SMARCC1: variants seen among roughly 807,000 people sequenced by gnomAD.
SMARCC1 encodes the protein SWI/SNF complex subunit SMARCC1.
In SMARCC1, 43 loss-of-function variants were observed where a neutral mutation model predicts 147.4. The observed-to-expected ratio is 0.29, with a 90% CI of 0.23 to 0.38. SMARCC1 has a LOEUF of 0.38. Among genes scored for constraint, SMARCC1 ranks in the 10% least tolerant of loss-of-function variants. The pLI is 1.00. For missense variants in SMARCC1, 1,119 were observed against 1,381.1 expected, an observed-to-expected ratio of 0.81 and a Z score of 3.01; for synonymous variants, 495 against 484.4, an observed-to-expected ratio of 1.02 and a Z score of -0.29.
Position 47,665,852 on chromosome 3 carries a change from CT to C in SMARCC1, c.1900-3261del, listed in dbSNP as rs764505361. The stretch of plus-strand genomic sequence containing the variant: ...TAACCTGGATACACTCACTCACTCT[CT>C]TTTTTTTTTTTTTGTGAGACACGGT... On this transcript the variant is annotated intron_variant, in intron 19 of 27. Coordinates refer to ENST00000254480, the MANE Select transcript of SMARCC1 (RefSeq NM_003074.4). Among the ~76,000 whole-genome samples, 874 of 142,956 alleles carry C rather than the reference CT, an allele frequency of 6.1e-3. 3 individuals are homozygous for C. The highest frequency in any genetic ancestry group is 0.016 in the African/African-American group (632 of 39,372). The allele number at this position is 142,956 out of a possible 152,430, so 93.8% of individuals were successfully genotyped here. A position where few individuals can be genotyped will look rare whatever the true frequency, so the allele number is the denominator to read the frequency against.
At chr3:47,698,485 CAA>C (rs1559648303) in intron 11 of SMARCC1, among the ~76,000 whole-genome samples, 1 of 151,788 alleles carries the variant, frequency 6.6e-6, no homozygotes, top group South Asian at 2.1e-4. Flanking sequence ...AAGAAATCTA[CAA>C]AAAAGTGCCA....
intron 21 of SMARCC1, among the ~76,000 whole-genome samples, chr3:47,659,013 G>A (rs2033300556): frequency 6.6e-6 from 1 of 151,850 alleles, no homozygotes; most frequent in African/African-American, 2.4e-5. Context: ...AGCTACTCCA[G>A]GGGCTGAGCA....
intron 25 of SMARCC1, 111 bp from the exon 26 acceptor site, chr3:47,610,438 C>T: frequency 9.2e-7 from 1 of 1,090,798 alleles, no homozygotes; most frequent in Non-Finnish European, 1.4e-6. Flanking sequence ...ATCACACTGA[C>T]ATCACCACCT....
At chr3:47,654,749 C>T (rs1196029360) in intron 21 of SMARCC1, among the ~76,000 whole-genome samples, 2 of 152,150 alleles carry the variant, frequency 1.3e-5, no homozygotes. Flanking sequence ...TTATAACAAC[C>T]CACTCTGAGG....
chr3:47,730,193 A>T (rs991321216), intron 5 of SMARCC1, among the ~76,000 whole-genome samples: 2 of 152,260 alleles, frequency 1.3e-5, no homozygotes, highest in East Asian at 1.9e-4. Flanking sequence ...AAATAAAAAA[A>T]AAGTTACATT....
intron 12 of SMARCC1, among the ~76,000 whole-genome samples, chr3:47,693,007 A>C (rs920678761): frequency 1.3e-5 from 2 of 151,896 alleles, no homozygotes; most frequent in African/African-American, 4.8e-5. Context: ...AAAAAAAGAA[A>C]AGAAGGAGTG....
At chr3:47,706,190 GC>G (rs1384892134) in intron 10 of SMARCC1, among the ~76,000 whole-genome samples, 12 of 151,464 alleles carry the variant, frequency 7.9e-5, no homozygotes, top group African/African-American at 2.9e-4. Context: ...TCCAGCCTCA[GC>G]CTCCCAAGTA....
At chr3:47,730,041 T>C (rs1338621048) in intron 5 of SMARCC1, among the ~76,000 whole-genome samples, 5 of 152,056 alleles carry the variant, frequency 3.3e-5, no homozygotes, top group African/African-American at 1.2e-4. Flanking sequence ...TAGCTGGGCG[T>C]GGTGGCACAC....
chr3:47,644,375 A>T (rs978556622), intron 21 of SMARCC1, among the ~76,000 whole-genome samples: 3 of 152,194 alleles, frequency 2.0e-5, no homozygotes, highest in Non-Finnish European at 4.4e-5. Flanking sequence ...ATACACCTGT[A>T]GTCCCAGGTA....
At position 47,610,285 on chromosome 3, in the gene SMARCC1, A is replaced by G; in HGVS notation, c.2824T>C (p.Phe942Leu). ...GCATACTTCAGCTGTTCCATGTGGA[A>G]GTTTTGGCGTTCAGTAAGCAACTGC... is the stretch of plus-strand genomic sequence containing the variant. ...RQQLLTERQN[F>L]HMEQLKYAEL... is the part of the protein sequence containing the mutation. Residue 942 changes from phenylalanine to leucine, a missense_variant, in exon 26 of 28, where the codon TTC becomes CTC. By Grantham distance (22) the Phe-to-Leu change is conservative. Around this residue, in one of 6 missense-constraint regions of SMARCC1, gnomAD observed 42 missense variants for 89.4 expected, o/e 0.47. Coordinates refer to ENST00000254480, the MANE Select transcript of SMARCC1 (RefSeq NM_003074.4). 2 of 1,614,206 alleles carry G rather than the reference A, an allele frequency of 1.2e-6. No homozygotes were observed. Among genetic ancestry groups the G allele is most frequent in the Non-Finnish European group, 1.7e-6 (2 of 1,180,050 alleles).
At chr3:47,740,701 TAGTG>T (rs10595577) in intron 3 of SMARCC1, among the ~76,000 whole-genome samples, 1,561 of 152,178 alleles carry the variant, frequency 0.01, 20 homozygotes, top group African/African-American at 0.036. Flanking sequence ...ACTATCTTGT[TAGTG>T]AGACATCTCA....
chr3:47,671,193 A>AC (rs1264165616), intron 18 of SMARCC1, among the ~76,000 whole-genome samples: 2 of 144,434 alleles, frequency 1.4e-5, no homozygotes, highest in African/African-American at 5.5e-5. Context: ...AAAAAAAAAA[A>AC]AAAAACACAC....
At chr3:47,768,916 C>T (rs1439984180) in intron 2 of SMARCC1, among the ~76,000 whole-genome samples, 4 of 152,020 alleles carry the variant, frequency 2.6e-5, no homozygotes, top group Non-Finnish European at 4.4e-5. Context: ...TTATAAAAAA[C>T]ATCAGGCAGC....
At chr3:47,697,276 C>A (rs2033865295) in intron 11 of SMARCC1, among the ~76,000 whole-genome samples, 1 of 150,766 alleles carries the variant, frequency 6.6e-6, no homozygotes, top group African/African-American at 2.4e-5. Flanking sequence ...GCACTCCAGC[C>A]TGGGCGAAAG....
At chr3:47,666,587 T>C (rs1217024443) in intron 19 of SMARCC1, among the ~76,000 whole-genome samples, 1 of 32,090 alleles carries the variant, frequency 3.1e-5, no homozygotes, top group South Asian at 4.3e-3. Context: ...GTTTTCCTAA[T>C]TAAAAAAAAA....
At chr3:47,744,347 G>T (rs2034542692) in intron 3 of SMARCC1, among the ~76,000 whole-genome samples, 1 of 152,056 alleles carries the variant, frequency 6.6e-6, no homozygotes, top group African/African-American at 2.4e-5. Context: ...GTTTCGCCAT[G>T]ATGGCCAGTC....
chr3:47,615,417 C>A (rs1335907998), intron 25 of SMARCC1, among the ~76,000 whole-genome samples: 1 of 152,136 alleles, frequency 6.6e-6, no homozygotes, highest in Admixed American at 6.5e-5. Context: ...CCTAAGCAAT[C>A]ATTCTTTTCA....
chr3:47,644,024 A>T (rs1343230727), intron 21 of SMARCC1, among the ~76,000 whole-genome samples: 10 of 151,968 alleles, frequency 6.6e-5, no homozygotes, highest in Non-Finnish European at 1.3e-4. Context: ...CCATATCTAT[A>T]AAAAAATTAA....
intron 21 of SMARCC1, among the ~76,000 whole-genome samples, chr3:47,652,084 C>G (rs1277722548): frequency 2.0e-5 from 3 of 152,188 alleles, no homozygotes; most frequent in Non-Finnish European, 4.4e-5. Context: ...ATCCTCTCAC[C>G]TTGTCTTCCT....
Sources: gnomAD v4.1 joint callset for allele counts (sites outside exome capture counted in the v4.1 genomes callset) on GRCh38, gnomAD v4.1.1 for gene constraint, gnomAD v4.1.1 regional missense constraint, MANE v1.5 for transcripts, NCBI Gene and HGNC (gene_info 2026-07-23, HGNC 2026-07-21) for gene names.